Variants in PTPRG observed in about 807,000 individuals in gnomAD.
The protein encoded by PTPRG is protein tyrosine phosphatase receptor type G.
A neutral mutation model predicts 165.3 loss-of-function variants in PTPRG; 102 were observed. The observed-to-expected ratio is 0.62, with a 90% CI of 0.53 to 0.73. The LOEUF is 0.73. Among genes scored for constraint, PTPRG ranks in the 30% least tolerant of loss-of-function variants. PTPRG has a pLI of 0.00. For missense variants in PTPRG, 1,866 were observed against 1,861.4 expected (o/e 1.00, Z -0.05); for synonymous variants, 675 against 669.5 (o/e 1.01, Z -0.13).
chr3:62,065,427 G>A (rs1164535500), intron 4 of PTPRG, among the ~76,000 whole-genome samples: 1 of 152,190 alleles, frequency 6.6e-6, no homozygotes, highest in Non-Finnish European at 1.5e-5. Flanking sequence ...AACTGTTGAA[G>A]TGATGGACAC....
At chr3:62,181,201 G>C (rs542209649) in intron 8 of PTPRG, among the ~76,000 whole-genome samples, 1 of 152,278 alleles carries the variant, frequency 6.6e-6, no homozygotes, top group Admixed American at 6.5e-5. Flanking sequence ...GAATCTGGGG[G>C]CAACTCCGCA....
In PTPRG at chr3:62,114,449, TTTG is replaced by T. The variant is rs201788706; in HGVS notation, c.616-18138_616-18136del. Among the ~76,000 whole-genome samples the T allele has an allele frequency of 4.5e-4, 68 of 152,270 alleles. No homozygotes were observed. In the East Asian group the frequency reaches 9.3e-3, roughly 21 times the overall value. ...CATATTCTCATTAACACAGGGCATT[TTTG>T]TTGTTGTTGTTGTTTAGGAGTCATT... is the stretch of plus-strand genomic sequence containing the variant. On this transcript the variant is annotated intron_variant, in intron 5 of 29. Coordinates refer to ENST00000474889, the MANE Select transcript of PTPRG (RefSeq NM_002841.4).
At chr3:61,747,141 A>G (rs2033239829) in intron 1 of PTPRG, among the ~76,000 whole-genome samples, 2 of 152,292 alleles carry the variant, frequency 1.3e-5, no homozygotes, top group Non-Finnish European at 2.9e-5. Flanking sequence ...AACAAAACCA[A>G]AAGCAGTGTA....
chr3:61,728,994 T>C (rs2032378986), intron 1 of PTPRG, among the ~76,000 whole-genome samples: 1 of 151,662 alleles, frequency 6.6e-6, no homozygotes, highest in Non-Finnish European at 1.5e-5. Flanking sequence ...TTTGGGAGGT[T>C]GAGGCTGCAG....
chr3:62,258,262 A>G (rs1267639167), intron 16 of PTPRG, among the ~76,000 whole-genome samples: 1 of 152,206 alleles, frequency 6.6e-6, no homozygotes, highest in African/African-American at 2.4e-5. Context: ...AAAGTTAACA[A>G]CTGGACATTA....
intron 17 of PTPRG, among the ~76,000 whole-genome samples, chr3:62,265,869 C>G (rs929294441): frequency 1.6e-5 from 2 of 121,648 alleles, no homozygotes; most frequent in African/African-American, 3.1e-5. Context: ...CACACACACA[C>G]ACACACGTAT....
intron 5 of PTPRG, among the ~76,000 whole-genome samples, chr3:62,108,296 T>G (rs1702544971): frequency 6.6e-6 from 1 of 152,038 alleles, no homozygotes; most frequent in East Asian, 1.9e-4. Flanking sequence ...CATGCAGTGT[T>G]TGGTTTTCTG....
intron 1 of PTPRG, among the ~76,000 whole-genome samples, chr3:61,584,497 C>T (rs1048637170): frequency 2.6e-5 from 4 of 152,012 alleles, no homozygotes; most frequent in African/African-American, 7.2e-5. Context: ...AAAATCAATA[C>T]GAAGCAATTT....
At chr3:61,782,955 A>G (rs772544948) in intron 2 of PTPRG, among the ~76,000 whole-genome samples, 34 of 152,016 alleles carry the variant, frequency 2.2e-4, no homozygotes, top group Non-Finnish European at 4.3e-4. Flanking sequence ...GGTGTGTACA[A>G]CCATACCTGG....
chr3:61,819,776 A>G (rs1376389794), intron 2 of PTPRG, among the ~76,000 whole-genome samples: 2 of 152,226 alleles, frequency 1.3e-5, no homozygotes, highest in Non-Finnish European at 2.9e-5. Context: ...TGTTTTTAGC[A>G]CAAAAAGGGG....
intron 3 of PTPRG, among the ~76,000 whole-genome samples, chr3:62,000,749 CAG>C (rs948864605): frequency 1.3e-5 from 2 of 152,180 alleles, no homozygotes; most frequent in Admixed American, 6.5e-5. Flanking sequence ...TCTCTGAAAA[CAG>C]AGAGTTACAC....
chr3:61,999,476 C>T (rs565007600), intron 3 of PTPRG, among the ~76,000 whole-genome samples: 1 of 152,232 alleles, frequency 6.6e-6, no homozygotes, highest in Admixed American at 6.5e-5. Flanking sequence ...TGTGAGTTTC[C>T]AGGGACAAAA....
chr3:61,970,099 G>A (rs1312140939), intron 2 of PTPRG, among the ~76,000 whole-genome samples: 1 of 152,028 alleles, frequency 6.6e-6, no homozygotes, highest in East Asian at 1.9e-4. Context: ...CTTAAGCAAG[G>A]TAATGAAATG....
intron 2 of PTPRG, among the ~76,000 whole-genome samples, chr3:61,912,691 A>T (rs990038148): frequency 1.3e-5 from 2 of 152,142 alleles, no homozygotes; most frequent in Admixed American, 6.5e-5. Flanking sequence ...ATTCTTGTCA[A>T]TCGGGACCAA....
chr3:61,978,725 TA>T (rs1161954166), intron 2 of PTPRG, among the ~76,000 whole-genome samples: 1 of 152,210 alleles, frequency 6.6e-6, no homozygotes, highest in Non-Finnish European at 1.5e-5. Context: ...GGGCAGATGA[TA>T]AATATTTTAG....
rs149641730 is a variant in PTPRG at position 62,106,503 on chromosome 3, C to CT, written c.616-26082dup. Among the ~76,000 whole-genome samples the CT allele has an allele frequency of 3.6e-3, 426 of 118,570 alleles. 5 individuals are homozygous for CT. Among genetic ancestry groups the CT allele is most frequent in the South Asian group, 0.026 (96 of 3,712 alleles). The allele number at this position is 118,570 out of a possible 152,430, so 77.8% of individuals were successfully genotyped here. A position where few individuals can be genotyped will look rare whatever the true frequency, so the allele number is the denominator to read the frequency against. ...TTGGTCCCCTGCAAACTCTTAAAGG[C>CT]TTTTTTTTTTTTTTTTTGGCTTGAT... On this transcript the variant is annotated intron_variant, in intron 5 of 29. Transcript: ENST00000474889.
At chr3:61,802,019 CA>C (rs1559619834) in intron 2 of PTPRG, among the ~76,000 whole-genome samples, 1 of 123,258 alleles carries the variant, frequency 8.1e-6, no homozygotes. Context: ...AGCAAGACTC[CA>C]TCTCAAAAAA....
intron 1 of PTPRG, among the ~76,000 whole-genome samples, chr3:61,656,373 C>T (rs1044593066): frequency 2.0e-5 from 3 of 152,166 alleles, no homozygotes; most frequent in African/African-American, 7.2e-5. Context: ...AGGGAAATGC[C>T]TCCATAGCCC....
At chr3:61,607,648 C>G (rs375581199) in intron 1 of PTPRG, among the ~76,000 whole-genome samples, 7 of 152,296 alleles carry the variant, frequency 4.6e-5, no homozygotes, top group Middle Eastern at 3.4e-3. Flanking sequence ...CTCTTCTCTC[C>G]TGCTTCTCTT....
Sources: allele counts gnomAD v4.1 joint callset (sites outside exome capture counted in the v4.1 genomes callset), GRCh38; gene constraint gnomAD v4.1.1; transcripts MANE v1.5; gene names NCBI Gene and HGNC (gene_info 2026-07-23, HGNC 2026-07-21).